ASZ1: variants seen among roughly 807,000 people sequenced by gnomAD.
ASZ1 encodes ankyrin repeat, SAM and basic leucine zipper domain-containing protein 1.
ASZ1 carries 67 observed loss-of-function variants against 61.8 expected under a neutral mutation model. The ratio of observed to expected loss-of-function variants is 1.08; its 90% CI spans 0.89 to 1.33. The LOEUF (loss-of-function observed/expected upper bound fraction) is 1.33, where lower values mean the gene tolerates loss of function less well. Ranked by LOEUF, ASZ1 falls within the 40% of genes most tolerant of loss-of-function variation. The pLI, the probability that ASZ1 is intolerant of heterozygous loss-of-function variation, is 0.00. For synonymous variants in ASZ1, 193 were observed against 192.7 expected (o/e 1.00, Z -0.01); for missense variants, 577 against 554.5 (o/e 1.04, Z -0.41).
chr7:117,423,775 T>C (rs945413897), intron 2 of ASZ1, among the ~76,000 whole-genome samples: 2 of 150,498 alleles, frequency 1.3e-5, no homozygotes, highest in African/African-American at 2.4e-5. Flanking sequence ...GGCAGGAGAA[T>C]TGCGTGAACA....
At chr7:117,377,863 G>C (rs1395433709) in intron 10 of ASZ1, among the ~76,000 whole-genome samples, 2 of 151,978 alleles carry the variant, frequency 1.3e-5, no homozygotes, top group Admixed American at 6.6e-5. Flanking sequence ...ACCCAGAATA[G>C]AGAACCCAGA....
At chr7:117,379,339 A>G (rs1448024103) in intron 10 of ASZ1, among the ~76,000 whole-genome samples, 1 of 151,426 alleles carries the variant, frequency 6.6e-6, no homozygotes, top group Non-Finnish European at 1.5e-5. Flanking sequence ...TTCCCTGTGT[A>G]TCTTTGAAAT....
At chr7:117,390,839 G>GA (rs1251618176) in intron 4 of ASZ1, among the ~76,000 whole-genome samples, 2 of 152,078 alleles carry the variant, frequency 1.3e-5, no homozygotes, top group Admixed American at 1.3e-4. Flanking sequence ...GAATAGCTGG[G>GA]ATTACAGGCG....
chr7:117,381,153 T>G (rs1272726910), intron 8 of ASZ1, 86 bp from the exon 9 acceptor site: 3 of 1,234,126 alleles, frequency 2.4e-6, no homozygotes, highest in Non-Finnish European at 3.4e-6. Context: ...GTTAGTTACT[T>G]GCTTCACTCT....
chr7:117,425,259 CTTTTTTTT>C lies in ASZ1; in HGVS notation c.205+1569_205+1576del, dbSNP rs71148368. Among the ~76,000 whole-genome samples the C allele has an allele frequency of 2.1e-5, 2 of 93,858 alleles. 1 individual carries two copies. Among genetic ancestry groups the C allele is most frequent in the African/African-American group, 7.3e-5 (2 of 27,526 alleles). The allele number at this position is 93,858 out of a possible 152,430, so 61.6% of individuals were successfully genotyped here. On this transcript the variant is annotated intron_variant, in intron 2 of 12. Coordinates refer to ENST00000284629, the MANE Select transcript of ASZ1 (RefSeq NM_130768.3). ...TGCTTGTTATTCCTTTGAGTAATTTCTTTTTTTTTTTTTTTTTTTTTTTTGAGACGGAG... is the reference window on the plus strand; with the variant it reads ...TGCTTGTTATTCCTTTGAGTAATTTCTTTTTTTTTTTTTTTTGAGACGGAG...
At position 117,423,689 on chromosome 7, in the gene ASZ1, CAAAA is replaced by C. The variant is rs60144830; in HGVS notation, c.206-1334_206-1331del. Among the ~76,000 whole-genome samples the C allele has an allele frequency of 5.2e-5, 4 of 76,486 alleles. No homozygotes were observed. In the South Asian group the frequency reaches 1.3e-3, roughly 25 times the overall value. 50.2% of individuals were successfully genotyped at this position (76,486 alleles called of 152,430 possible). ...TGAAACCCTGTTTCTACTAAAAATACAAAAAAAAAAAAAAAAAAAAAAATTAGCC... is the reference window on the plus strand; with the variant it reads ...TGAAACCCTGTTTCTACTAAAAATACAAAAAAAAAAAAAAAAAAATTAGCC... On this transcript the variant is annotated intron_variant, in intron 2 of 12. Coordinates refer to ENST00000284629, the MANE Select transcript of ASZ1 (RefSeq NM_130768.3).
chr7:117,412,056 G>A (rs968991684), intron 4 of ASZ1, among the ~76,000 whole-genome samples: 4 of 149,916 alleles, frequency 2.7e-5, no homozygotes, highest in Non-Finnish European at 6.0e-5. Flanking sequence ...GTGTGTGTGT[G>A]TGTGTGTGTG....
intron 9 of ASZ1, among the ~76,000 whole-genome samples, chr7:117,380,741 T>C (rs1288238027): frequency 1.3e-5 from 2 of 151,560 alleles, no homozygotes; most frequent in South Asian, 2.1e-4. Context: ...CTATTGCACA[T>C]TTGAAACTGA....
intron 10 of ASZ1, among the ~76,000 whole-genome samples, chr7:117,376,448 G>T (rs1796138224): frequency 6.6e-6 from 1 of 152,092 alleles, no homozygotes; most frequent in Admixed American, 6.6e-5. Flanking sequence ...AATTCATTTT[G>T]TGAGGCCAGT....
chr7:117,375,061 AAG>A (rs1796113242), intron 10 of ASZ1, among the ~76,000 whole-genome samples: 1 of 152,052 alleles, frequency 6.6e-6, no homozygotes, highest in Non-Finnish European at 1.5e-5. Flanking sequence ...TAAAAGAAAA[AAG>A]AATTTCATAG....
chr7:117,399,279 A>G lies in ASZ1; in HGVS notation c.441-13470T>C, dbSNP rs192212015. On this transcript the variant is annotated intron_variant, in intron 4 of 12. Coordinates refer to ENST00000284629, the MANE Select transcript of ASZ1 (RefSeq NM_130768.3). ...TGCTAAAAAAATACAAAACAAAACA[A>G]AAACCCCAAAAACCAAACAATAAAA... Among the ~76,000 whole-genome samples, 142 of 152,248 alleles carry G rather than the reference A, an allele frequency of 9.3e-4. 1 individual carries two copies. The highest frequency in any genetic ancestry group is 9.1e-4 in the Non-Finnish European group (62 of 68,008).
At chr7:117,404,843 G>A (rs1363324394) in intron 4 of ASZ1, among the ~76,000 whole-genome samples, 3 of 152,096 alleles carry the variant, frequency 2.0e-5, no homozygotes, top group African/African-American at 7.2e-5. Context: ...TGCTGCCTCA[G>A]GACCAGGTGC....
intron 4 of ASZ1, among the ~76,000 whole-genome samples, chr7:117,401,792 C>T (rs1412326267): frequency 6.6e-6 from 1 of 152,136 alleles, no homozygotes; most frequent in Non-Finnish European, 1.5e-5. Flanking sequence ...AGATGTCCTT[C>T]ATAGGTAAGG....
At chr7:117,427,026 G>T (rs1371172351) in intron 1 of ASZ1, 91 bp from the exon 2 acceptor site, 3 of 1,304,204 alleles carry the variant, frequency 2.3e-6, no homozygotes, top group East Asian at 5.1e-5. Flanking sequence ...AAGTACACAG[G>T]TTTTTTTTCT....
intron 7 of ASZ1, among the ~76,000 whole-genome samples, chr7:117,382,503 C>A (rs1796274471): frequency 6.6e-6 from 1 of 151,420 alleles, no homozygotes. Context: ...GGCAAAAAAA[C>A]CCACAAAAAA....
rs1796024287 is a variant in ASZ1, at chr7:117,370,372, G to A, written c.1056-1655C>T. 3.3e-5 allele frequency among the ~76,000 whole-genome samples: 5 copies of A among 152,158 alleles called. No individual in the cohort carries two copies. In the South Asian group the frequency reaches 8.3e-4, roughly 25 times the overall value. On this transcript the variant is annotated intron_variant, in intron 10 of 12. Coordinates refer to ENST00000284629, the MANE Select transcript of ASZ1 (RefSeq NM_130768.3). ...AAAGCCACTAAAGGAAACGTAGCCT[G>A]AGAAGTAGAAGAAAATCAGTAGTTA...
chr7:117,384,923 A>G, intron 5 of ASZ1, 63 bp from the exon 6 acceptor site: 1 of 1,403,382 alleles, frequency 7.1e-7, no homozygotes, highest in Non-Finnish European at 9.5e-7. Flanking sequence ...CAGACAGGAA[A>G]AGTTTTCAAC....
chr7:117,411,775 C>T (rs1796894459), intron 4 of ASZ1, among the ~76,000 whole-genome samples: 2 of 151,632 alleles, frequency 1.3e-5, no homozygotes, highest in African/African-American at 4.8e-5. Flanking sequence ...AAGAATGAAA[C>T]TGAAAAGATG....
chr7:117,378,814 G>T (rs950107308), intron 10 of ASZ1, among the ~76,000 whole-genome samples: 1 of 151,796 alleles, frequency 6.6e-6, no homozygotes, highest in African/African-American at 2.4e-5. Context: ...ACAAACTGTG[G>T]TATATACATA....
Sources: allele counts gnomAD v4.1 joint callset (sites outside exome capture counted in the v4.1 genomes callset), GRCh38; gene constraint gnomAD v4.1.1; transcripts MANE v1.5; gene names NCBI Gene and HGNC (gene_info 2026-07-23, HGNC 2026-07-21).